Variants in HS3ST4 observed in about 807,000 individuals in gnomAD.
HS3ST4 encodes heparan sulfate-glucosamine 3-sulfotransferase 4, also known as heparan sulfate glucosamine 3-O-sulfotransferase 4.
Under a neutral mutation model 29.2 loss-of-function variants are expected in HS3ST4, and 17 were observed. The ratio of observed to expected loss-of-function variants is 0.58; its 90% CI spans 0.40 to 0.87. HS3ST4 has a LOEUF of 0.87. Among genes scored for constraint, HS3ST4 ranks in the 40% least tolerant of loss-of-function variants. The pLI is 0.00. For synonymous variants in HS3ST4, 314 were observed against 285.7 expected (o/e 1.10, Z -1.00); for missense variants, 627 against 634.5 (o/e 0.99, Z 0.13).
At chr16:25,789,375 C>CTCTT (rs143057941) in intron 1 of HS3ST4, among the ~76,000 whole-genome samples, 10 of 148,628 alleles carry the variant, frequency 6.7e-5, no homozygotes, top group Admixed American at 1.3e-4. Flanking sequence ...CTCTCTCTTT[C>CTCTT]TCTTTCTTTC....
intron 1 of HS3ST4, among the ~76,000 whole-genome samples, chr16:25,964,188 A>AC (rs1355341265): frequency 1.3e-5 from 2 of 151,550 alleles, no homozygotes; most frequent in Admixed American, 1.3e-4. Flanking sequence ...AAAAAAAAAA[A>AC]AAGGTCCCTA....
intron 1 of HS3ST4, among the ~76,000 whole-genome samples, chr16:25,811,298 C>G (rs1377824559): frequency 6.6e-6 from 1 of 152,126 alleles, no homozygotes; most frequent in Non-Finnish European, 1.5e-5. Flanking sequence ...CCTTCCTCCT[C>G]TTCCTCAGCC....
Position 26,000,020 on chromosome 16 carries a change from C to T in HS3ST4, c.735-135592C>T, listed in dbSNP as rs188177276. Among the ~76,000 whole-genome samples the T allele has an allele frequency of 2.7e-4, 41 of 150,576 alleles. No individual in the cohort carries two copies. In the East Asian group the frequency reaches 8.0e-3, roughly 29 times the overall value. ...TATCTATTCTGTAGATAAATGTGTA[C>T]ATGTTGAAAAGTAATTATCTGTATT... On this transcript the variant is annotated intron_variant, in intron 1 of 1. Transcript: ENST00000331351.
chr16:25,792,974 T>C (rs1966872825), intron 1 of HS3ST4, among the ~76,000 whole-genome samples: 1 of 151,944 alleles, frequency 6.6e-6, no homozygotes, highest in African/African-American at 2.4e-5. Flanking sequence ...ATATTTTCAT[T>C]AATAGATAAA....
intron 1 of HS3ST4, among the ~76,000 whole-genome samples, chr16:25,733,601 G>A (rs183305601): frequency 1.7e-4 from 26 of 152,296 alleles, no homozygotes; most frequent in Middle Eastern, 3.4e-3. Context: ...TTGAACACAA[G>A]GAGGCTGGGA....
At chr16:25,903,273 CGTGTGT>C (rs71385584) in intron 1 of HS3ST4, among the ~76,000 whole-genome samples, 9 of 58,400 alleles carry the variant, frequency 1.5e-4, no homozygotes, top group Admixed American at 8.2e-4. Context: ...GAAGAATATA[CGTGTGT>C]GTGTGTGTGT....
At chr16:25,797,133 G>C (rs191430567) in intron 1 of HS3ST4, among the ~76,000 whole-genome samples, 1 of 152,092 alleles carries the variant, frequency 6.6e-6, no homozygotes, top group African/African-American at 2.4e-5. Context: ...GTTGCATGCC[G>C]CGTCCAAAAT....
chr16:26,041,373 A>C, intron 1 of HS3ST4, among the ~76,000 whole-genome samples: 1 of 151,682 alleles, frequency 6.6e-6, no homozygotes, highest in East Asian at 1.9e-4. Context: ...ATAATAATAA[A>C]ATTTTCAAAA....
intron 1 of HS3ST4, among the ~76,000 whole-genome samples, chr16:26,033,697 G>C (rs1340311252): frequency 2.6e-5 from 4 of 152,086 alleles, no homozygotes; most frequent in South Asian, 2.1e-4. Context: ...GCTCCAGCCT[G>C]GGCAACAGAG....
intron 1 of HS3ST4, among the ~76,000 whole-genome samples, chr16:25,789,266 CCTT>C (rs1966862874): frequency 6.6e-6 from 1 of 151,866 alleles, no homozygotes; most frequent in Non-Finnish European, 1.5e-5. Context: ...TCTTCTTCCT[CCTT>C]CTTGTCCTCT....
At chr16:26,066,309 C>T (rs1898541219) in intron 1 of HS3ST4, among the ~76,000 whole-genome samples, 2 of 151,974 alleles carry the variant, frequency 1.3e-5, no homozygotes, top group Admixed American at 6.6e-5. Flanking sequence ...TTTTCTTGGC[C>T]GAAAGTTTTT....
At chr16:26,017,767 A>G (rs985020534) in intron 1 of HS3ST4, among the ~76,000 whole-genome samples, 1 of 152,214 alleles carries the variant, frequency 6.6e-6, no homozygotes, top group Admixed American at 6.5e-5. Context: ...CCTGATGAAT[A>G]GGGATAGAAC....
At chr16:25,725,368 T>G (rs983331939) in intron 1 of HS3ST4, among the ~76,000 whole-genome samples, 1 of 152,162 alleles carries the variant, frequency 6.6e-6, no homozygotes, top group Admixed American at 6.5e-5. Flanking sequence ...GTTTTTAACG[T>G]AAACATTGTA....
At chr16:26,050,708 C>T (rs191442171) in intron 1 of HS3ST4, among the ~76,000 whole-genome samples, 5 of 152,112 alleles carry the variant, frequency 3.3e-5, no homozygotes, top group East Asian at 1.9e-4. Context: ...GTGCGTCCAG[C>T]GGACAGAGGC....
chr16:25,999,881 A>T (rs984659680), intron 1 of HS3ST4, among the ~76,000 whole-genome samples: 1 of 124,430 alleles, frequency 8.0e-6, no homozygotes, highest in Non-Finnish European at 1.6e-5. Context: ...TTTTATATAT[A>T]TTATATATAT....
intron 1 of HS3ST4, among the ~76,000 whole-genome samples, chr16:26,047,366 A>T (rs1898283773): frequency 6.6e-6 from 1 of 152,074 alleles, no homozygotes; most frequent in Non-Finnish European, 1.5e-5. Flanking sequence ...TTCGATCAAT[A>T]TTTTTTTGTT....
chr16:25,953,691 G>A (rs1008638534), intron 1 of HS3ST4, among the ~76,000 whole-genome samples: 1 of 152,188 alleles, frequency 6.6e-6, no homozygotes, highest in East Asian at 1.9e-4. Flanking sequence ...TTGAGAGCAA[G>A]TGATTTATTT....
At chr16:26,011,941 A>G (rs1272614498) in intron 1 of HS3ST4, among the ~76,000 whole-genome samples, 1 of 152,250 alleles carries the variant, frequency 6.6e-6, no homozygotes, top group African/African-American at 2.4e-5. Flanking sequence ...GATTAATGAA[A>G]GCCAGGTTAG....
chr16:25,729,099 G>A (rs1326355216), intron 1 of HS3ST4, among the ~76,000 whole-genome samples: 1 of 151,898 alleles, frequency 6.6e-6, no homozygotes, highest in Non-Finnish European at 1.5e-5. Context: ...AAAGGAAAAA[G>A]GAAAGAGAAA....
Sources: gnomAD v4.1 joint callset for allele counts (sites outside exome capture counted in the v4.1 genomes callset) on GRCh38, gnomAD v4.1.1 for gene constraint, MANE v1.5 for transcripts, NCBI Gene and HGNC (gene_info 2026-07-23, HGNC 2026-07-21) for gene names.